Variants in ASIC2 observed in about 807,000 individuals in gnomAD.
The protein encoded by ASIC2 is acid sensing ion channel subunit 2, also known as acid-sensing ion channel 2.
In ASIC2, 25 loss-of-function variants were observed where a neutral mutation model predicts 57.3. The ratio of observed to expected loss-of-function variants is 0.44; its 90% CI spans 0.32 to 0.61. The LOEUF (loss-of-function observed/expected upper bound fraction) is 0.61, where lower values mean the gene tolerates loss of function less well. Among genes scored for constraint, ASIC2 ranks in the 20% least tolerant of loss-of-function variants. The pLI is 0.06. For synonymous variants in ASIC2, 319 were observed against 307.5 expected (o/e 1.04, Z -0.39); for missense variants, 641 against 738.1 (o/e 0.87, Z 1.52).
chr17:33,975,499 G>GA (rs200021059), intron 1 of ASIC2, among the ~76,000 whole-genome samples: 7 of 151,610 alleles, frequency 4.6e-5, no homozygotes, highest in East Asian at 1.9e-4. Context: ...GAACAGAAAA[G>GA]AAAAAAAATG....
intron 1 of ASIC2, among the ~76,000 whole-genome samples, chr17:33,628,879 C>G (rs974069248): frequency 3.3e-5 from 5 of 152,208 alleles, no homozygotes; most frequent in African/African-American, 4.8e-5. Context: ...TCCACTTTGC[C>G]TGATACCAAA....
intron 3 of ASIC2, among the ~76,000 whole-genome samples, chr17:33,030,342 T>C (rs1163725073): frequency 4.6e-5 from 7 of 152,130 alleles, no homozygotes; most frequent in Non-Finnish European, 1.5e-5. Context: ...TTGCCTGTGT[T>C]AGTGTTGTAT....
chr17:33,401,777 C>T (rs1313251482), intron 1 of ASIC2, among the ~76,000 whole-genome samples: 1 of 152,102 alleles, frequency 6.6e-6, no homozygotes, highest in Admixed American at 6.5e-5. Context: ...GTAAATTGGA[C>T]ACAACACTTA....
At chr17:33,930,981 C>G (rs778919027) in intron 1 of ASIC2, among the ~76,000 whole-genome samples, 1 of 152,120 alleles carries the variant, frequency 6.6e-6, no homozygotes, top group Non-Finnish European at 1.5e-5. Flanking sequence ...TGCAGTGGCA[C>G]GATCTCGGCT....
intron 3 of ASIC2, among the ~76,000 whole-genome samples, chr17:33,079,866 G>T (rs568525365): frequency 6.6e-6 from 1 of 152,114 alleles, no homozygotes; most frequent in African/African-American, 2.4e-5. Context: ...GAGGAACAAG[G>T]TTCCACAACT....
intron 1 of ASIC2, among the ~76,000 whole-genome samples, chr17:33,426,837 T>C (rs1211784399): frequency 1.3e-5 from 2 of 152,148 alleles, no homozygotes; most frequent in East Asian, 3.8e-4. Context: ...TATTGCAGTT[T>C]GCAATAAATG....
In ASIC2 at chr17:33,886,234, G is replaced by A. The variant is rs191825137; in HGVS notation, c.555+269744C>T. ...TGGTAGAAGGCACAGTAGCCCTTAG[G>A]GCTTCTGCTTGGAAATAATATACAT... On this transcript the variant is annotated intron_variant, in intron 1 of 9. Transcript: ENST00000359872. 4.6e-3 allele frequency among the ~76,000 whole-genome samples: 698 copies of A among 152,202 alleles called. 9 individuals are homozygous for A. Among genetic ancestry groups the A allele is most frequent in the Non-Finnish European group, 4.9e-3 (336 of 68,002 alleles).
chr17:33,316,503 G>T (rs1214894606), intron 1 of ASIC2, among the ~76,000 whole-genome samples: 1 of 152,180 alleles, frequency 6.6e-6, no homozygotes, highest in Non-Finnish European at 1.5e-5. Flanking sequence ...GGCCGGGCTG[G>T]TCTTGAACTC....
chr17:33,763,001 CA>C (rs1910831473), intron 1 of ASIC2, among the ~76,000 whole-genome samples: 1 of 152,150 alleles, frequency 6.6e-6, no homozygotes, highest in African/African-American at 2.4e-5. Context: ...ATCCCTGAAT[CA>C]GACAGGGAAA....
At chr17:33,977,044 T>A (rs1905416919) in intron 1 of ASIC2, among the ~76,000 whole-genome samples, 1 of 152,114 alleles carries the variant, frequency 6.6e-6, no homozygotes, top group Non-Finnish European at 1.5e-5. Context: ...TGGCCCCTGG[T>A]ATTTCTGATA....
chr17:33,972,999 C>T lies in ASIC2; in HGVS notation c.555+182979G>A, dbSNP rs569791040. On this transcript the variant is annotated intron_variant, in intron 1 of 9. Transcript: ENST00000359872. ...GAACTAACCCAGGTCAGGTGGTCAG[C>T]ACCAGAGTTATGCCTAGGGCCAGCC... is the stretch of plus-strand genomic sequence containing the variant. Among the ~76,000 whole-genome samples, 3 of 152,344 alleles carry T rather than the reference C, an allele frequency of 2.0e-5. No homozygotes were observed. In the South Asian group the frequency reaches 6.2e-4, roughly 32 times the overall value.
intron 1 of ASIC2, among the ~76,000 whole-genome samples, chr17:33,665,940 C>T (rs1459095019): frequency 2.6e-5 from 4 of 152,104 alleles, no homozygotes; most frequent in South Asian, 2.1e-4. Flanking sequence ...CTTCTCTGTG[C>T]GTGCGACTAT....
intron 1 of ASIC2, among the ~76,000 whole-genome samples, chr17:33,266,700 G>T (rs1265377132): frequency 6.6e-6 from 1 of 151,990 alleles, no homozygotes; most frequent in Non-Finnish European, 1.5e-5. Flanking sequence ...GTGGATGATC[G>T]CTATGATTAA....
chr17:33,861,670 G>T (rs754671834), intron 1 of ASIC2, among the ~76,000 whole-genome samples: 1 of 152,174 alleles, frequency 6.6e-6, no homozygotes, highest in Non-Finnish European at 1.5e-5. Context: ...CTGAGAGGAA[G>T]GTGAAAAGGC....
At chr17:33,022,846 A>C (rs1404907799) in intron 6 of ASIC2, among the ~76,000 whole-genome samples, 2 of 152,266 alleles carry the variant, frequency 1.3e-5, no homozygotes, top group East Asian at 1.9e-4. Context: ...TGGTGTTATA[A>C]AGGAAAACAC....
intron 1 of ASIC2, among the ~76,000 whole-genome samples, chr17:33,746,350 A>G (rs925002423): frequency 1.2e-4 from 18 of 149,070 alleles, no homozygotes; most frequent in African/African-American, 3.9e-4. Context: ...ACATACATGT[A>G]TCTACCTATA....
chr17:33,109,104 G>A (rs1463487175), intron 2 of ASIC2, among the ~76,000 whole-genome samples: 1 of 40,852 alleles, frequency 2.4e-5, no homozygotes, highest in African/African-American at 3.2e-4. Flanking sequence ...AAAAGGGTGG[G>A]TGTGGGTGAG....
chr17:34,055,115 C>A (rs1230793607), intron 1 of ASIC2, among the ~76,000 whole-genome samples: 1 of 152,152 alleles, frequency 6.6e-6, no homozygotes, highest in African/African-American at 2.4e-5. Flanking sequence ...ATAAAGTGGC[C>A]AGCAGTTAGA....
At chr17:33,679,384 A>G (rs1907929181) in intron 1 of ASIC2, among the ~76,000 whole-genome samples, 1 of 152,192 alleles carries the variant, frequency 6.6e-6, no homozygotes, top group African/African-American at 2.4e-5. Flanking sequence ...TTAATTACCC[A>G]TTGGTATCCC....
Sources: allele counts gnomAD v4.1 joint callset (sites outside exome capture counted in the v4.1 genomes callset), GRCh38; gene constraint gnomAD v4.1.1; transcripts MANE v1.5; gene names NCBI Gene and HGNC (gene_info 2026-07-23, HGNC 2026-07-21).